Variants in COG4 observed in about 807,000 individuals in gnomAD.
COG4 encodes conserved oligomeric Golgi complex subunit 4.
Under a neutral mutation model 95.1 loss-of-function variants are expected in COG4, and 65 were observed. The ratio of observed to expected loss-of-function variants is 0.68; its 90% CI spans 0.56 to 0.84. COG4 has a LOEUF of 0.84. COG4 is among the 40% of genes least tolerant of loss of function. The probability of loss-of-function intolerance (pLI) is 0.00; values close to 1 mark genes in which losing one functional copy is unlikely to be tolerated. For missense variants in COG4, 1,045 were observed against 989.1 expected (o/e 1.06, Z -0.76); for synonymous variants, 421 against 374.8 (o/e 1.12, Z -1.42).
chr16:70,498,315 CTTTTT>C (rs2049381718), intron 9 of COG4, among the ~76,000 whole-genome samples: 1 of 151,922 alleles, frequency 6.6e-6, no homozygotes, highest in African/African-American at 2.4e-5. Context: ...TTAAAAACTA[CTTTTT>C]TTATTTTTAA....
At chr16:70,486,936 A>G (rs2049148977) in intron 13 of COG4, among the ~76,000 whole-genome samples, 1 of 151,446 alleles carries the variant, frequency 6.6e-6, no homozygotes, top group Non-Finnish European at 1.5e-5. Context: ...TGGAGGTTGC[A>G]GTAAGCCGAG....
At chr16:70,511,494 T>C (rs1443747669) in intron 5 of COG4, among the ~76,000 whole-genome samples, 2 of 151,186 alleles carry the variant, frequency 1.3e-5, no homozygotes, top group Non-Finnish European at 2.9e-5. Context: ...GTGGGAGGAC[T>C]GCTTGAGGCC....
intron 12 of COG4, among the ~76,000 whole-genome samples, chr16:70,495,824 A>G (rs1413293077): frequency 6.6e-6 from 1 of 152,204 alleles, no homozygotes; most frequent in Non-Finnish European, 1.5e-5. Flanking sequence ...TTTCCAGAGG[A>G]AGTTGAAAGC....
chr16:70,482,948 TCTCTC>T, intron 14 of COG4, 127 bp from the exon 15 acceptor site: 2 of 665,640 alleles, frequency 3.0e-6, no homozygotes, highest in Non-Finnish European at 5.3e-6. Flanking sequence ...ATCCCTTCCT[TCTCTC>T]CTCTCCCCAT....
chr16:70,500,818 CTG>C (rs1399755261), intron 9 of COG4, 138 bp downstream of exon 9: 5 of 971,882 alleles, frequency 5.1e-6, no homozygotes, highest in Non-Finnish European at 8.1e-6. Context: ...AGATTTCTTC[CTG>C]GGAGTCAATT....
At chr16:70,482,669 T>C (rs968900714) in intron 15 of COG4, 60 bp downstream of exon 15, 54 of 1,386,114 alleles carry the variant, frequency 3.9e-5, no homozygotes, top group Non-Finnish European at 5.2e-5. Flanking sequence ...CTGCTCCCTC[T>C]AGCTGGGGCT....
intron 1 of COG4, among the ~76,000 whole-genome samples, chr16:70,522,801 T>C (rs1567403108): frequency 6.6e-6 from 1 of 152,190 alleles, no homozygotes; most frequent in Non-Finnish European, 1.5e-5. Context: ...TGATAAAATA[T>C]CAAGGGTACC....
chr16:70,491,475 T>C lies in COG4; in HGVS notation c.1648-1083A>G, dbSNP rs372657310. Among the ~76,000 whole-genome samples, 7 of 120,342 alleles carry C rather than the reference T, an allele frequency of 5.8e-5. No homozygotes were observed. In the South Asian group the frequency reaches 8.5e-4, roughly 15 times the overall value. The allele number at this position is 120,342 out of a possible 152,430, so 78.9% of individuals were successfully genotyped here. ...ATGAGAGGTTGCAGTGAGCTGAAAT[T>C]GTGTCACTGCACTCCAGCCTGTATG... On this transcript the variant is annotated intron_variant, in intron 12 of 18. Transcript: ENST00000323786.
intron 8 of COG4, among the ~76,000 whole-genome samples, chr16:70,508,148 C>T (rs773309149): frequency 3.9e-5 from 6 of 152,002 alleles, no homozygotes; most frequent in South Asian, 4.2e-4. Context: ...CTCGAACTCC[C>T]GACCTTGTGA....
chr16:70,483,842 C>G lies in COG4; in HGVS notation c.1827+11G>C, dbSNP rs745412023. 7.5e-6 allele frequency: 12 copies of G among 1,598,366 alleles called. No homozygotes were observed. Among genetic ancestry groups the G allele is most frequent in the Non-Finnish European group, 1.0e-5 (12 of 1,166,202 alleles). On this transcript the variant is annotated intron_variant, in intron 14 of 18. Coordinates refer to ENST00000323786, the MANE Select transcript of COG4 (RefSeq NM_015386.3). Reference sequence around the variant, plus strand: ...CACAGGATTCAGTCAGCAGTTGAACCTGGGGCTTACCTGCAAGAGGTCTCG... The same window carrying G: ...CACAGGATTCAGTCAGCAGTTGAACGTGGGGCTTACCTGCAAGAGGTCTCG...
At chr16:70,513,255 G>A (rs1483886438) in intron 4 of COG4, among the ~76,000 whole-genome samples, 2 of 152,210 alleles carry the variant, frequency 1.3e-5, no homozygotes, top group African/African-American at 2.4e-5. Flanking sequence ...CATTAAACAA[G>A]TCTAGAAAAA....
At chr16:70,517,857 G>T (rs900360144) in intron 2 of COG4, 117 bp from the exon 3 acceptor site, 1 of 718,196 alleles carries the variant, frequency 1.4e-6, no homozygotes, top group Non-Finnish European at 2.5e-6. Context: ...GTAACTCTTA[G>T]CTCAGTTTGC....
chr16:70,514,260 T>C, intron 4 of COG4, 75 bp downstream of exon 4: 1 of 1,378,190 alleles, frequency 7.3e-7, no homozygotes, highest in Non-Finnish European at 1.0e-6. Flanking sequence ...GATGTGTTTT[T>C]ATTGGTCGAG....
chr16:70,495,902 C>T (rs1431399891), intron 12 of COG4, among the ~76,000 whole-genome samples: 1 of 152,220 alleles, frequency 6.6e-6, no homozygotes, highest in Admixed American at 6.5e-5. Context: ...TGCTGCGGGC[C>T]TCTCCTCAGA....
intron 2 of COG4, among the ~76,000 whole-genome samples, chr16:70,518,300 C>T (rs1166517253): frequency 1.3e-5 from 2 of 152,244 alleles, no homozygotes; most frequent in South Asian, 2.1e-4. Context: ...CTCTCAATTG[C>T]TAAGTGAGCA....
chr16:70,495,826 G>T (rs2049329252), intron 12 of COG4, among the ~76,000 whole-genome samples: 1 of 152,244 alleles, frequency 6.6e-6, no homozygotes. Context: ...TCCAGAGGAA[G>T]TTGAAAGCCT....
chr16:70,509,420 C>G (rs753414045), intron 6 of COG4, 32 bp from the exon 7 acceptor site: 8 of 1,613,056 alleles, frequency 5.0e-6, no homozygotes. Flanking sequence ...GGTTATATTC[C>G]AAGTATTCTT....
chr16:70,497,831 T>C, intron 10 of COG4, 106 bp downstream of exon 10: 3 of 793,500 alleles, frequency 3.8e-6, no homozygotes, highest in Non-Finnish European at 6.9e-6. Context: ...CATGCAAGAG[T>C]ATTCTCAAAG....
intron 8 of COG4, among the ~76,000 whole-genome samples, chr16:70,503,860 C>T (rs1308140278): frequency 8.1e-6 from 1 of 122,840 alleles, no homozygotes; most frequent in African/African-American, 6.9e-5. Flanking sequence ...TCCCAAAGTG[C>T]TGGGATTACA....
Sources: allele counts gnomAD v4.1 joint callset (sites outside exome capture counted in the v4.1 genomes callset), GRCh38; gene constraint gnomAD v4.1.1; transcripts MANE v1.5; gene names NCBI Gene and HGNC (gene_info 2026-07-23, HGNC 2026-07-21).